The following CCSER1 variants were observed in gnomAD, a reference collection of about 807,000 sequenced individuals.
The protein encoded by CCSER1 is serine-rich coiled-coil domain-containing protein 1.
A neutral mutation model predicts 82.0 loss-of-function variants in CCSER1; 41 were observed. The observed-to-expected ratio is 0.50, with a 90% CI of 0.39 to 0.65. The LOEUF (loss-of-function observed/expected upper bound fraction) is 0.65. Among genes scored for constraint, CCSER1 ranks in the 30% least tolerant of loss-of-function variants. The probability of loss-of-function intolerance (pLI) is 0.00; values close to 1 mark genes in which losing one functional copy is unlikely to be tolerated. For missense variants in CCSER1, 1,119 were observed against 1,064.2 expected (o/e 1.05, Z -0.72); for synonymous variants, 414 against 383.9 (o/e 1.08, Z -0.92).
chr4:90,485,976 A>G (rs1167169982), intron 5 of CCSER1, among the ~76,000 whole-genome samples: 1 of 152,144 alleles, frequency 6.6e-6, no homozygotes, highest in Non-Finnish European at 1.5e-5. Context: ...TTCAACTCAG[A>G]GGACTCTGTC....
chr4:90,463,868 G>C (rs565334603), intron 4 of CCSER1, among the ~76,000 whole-genome samples: 66 of 151,902 alleles, frequency 4.3e-4, no homozygotes, highest in Non-Finnish European at 8.1e-4. Context: ...TGAATCCTTA[G>C]TAGTTTTGCG....
chr4:91,599,000 T>C lies in CCSER1; in HGVS notation c.2646T>C (p.Phe882=). 6.4e-7 allele frequency: 1 copy of C among 1,551,460 alleles called. No homozygotes were observed. ...ACATGTACAGCAGGAAGAATGTGTT[T>C]CTCCACCACAATTTACACAGCACTG... ...SLHMYSRKNV[F]LHHNLHSTEL... The change falls in exon 11 of 11, where the codon TTT becomes TTC. Residue 882 remains phenylalanine, a synonymous_variant. Coordinates refer to ENST00000509176, the MANE Select transcript of CCSER1 (RefSeq NM_001145065.2).
At chr4:90,217,400 T>A (rs1158041090) in intron 1 of CCSER1, among the ~76,000 whole-genome samples, 1 of 152,186 alleles carries the variant, frequency 6.6e-6, no homozygotes, top group East Asian at 1.9e-4. Flanking sequence ...GGTTTCATCA[T>A]GTTGGCCAGG....
At chr4:90,352,681 T>C (rs771836239) in intron 3 of CCSER1, among the ~76,000 whole-genome samples, 4 of 150,808 alleles carry the variant, frequency 2.7e-5, no homozygotes, top group Non-Finnish European at 5.9e-5. Flanking sequence ...AAAAAACATA[T>C]ATGTATATAT....
intron 10 of CCSER1, among the ~76,000 whole-genome samples, chr4:91,140,984 ACC>A (rs1728969973): frequency 1.3e-5 from 2 of 151,880 alleles, no homozygotes; most frequent in African/African-American, 4.8e-5. Context: ...TTTTTATAGT[ACC>A]CAGTGTCTAC....
intron 10 of CCSER1, among the ~76,000 whole-genome samples, chr4:91,112,289 CT>C (rs528658087): frequency 4.0e-5 from 6 of 151,796 alleles, no homozygotes; most frequent in African/African-American, 9.7e-5. Context: ...TTTTTTGACA[CT>C]TTTTTTTCTT....
chr4:90,182,160 T>G (rs1322340421), intron 1 of CCSER1, among the ~76,000 whole-genome samples: 3 of 152,206 alleles, frequency 2.0e-5, no homozygotes, highest in Non-Finnish European at 4.4e-5. Flanking sequence ...TGTTTTTAAC[T>G]TTATATTTTT....
At chr4:90,748,144 T>C (rs1422663252) in intron 7 of CCSER1, among the ~76,000 whole-genome samples, 1 of 144,626 alleles carries the variant, frequency 6.9e-6, no homozygotes, top group African/African-American at 2.5e-5. Context: ...CACTAACTCG[T>C]CATCTAGCAT....
chr4:90,664,003 A>T (rs996891082), intron 6 of CCSER1: 20 of 165,386 alleles, frequency 1.2e-4, no homozygotes, highest in Non-Finnish European at 2.3e-4. Flanking sequence ...AGATACTTTT[A>T]AAAAAATCTC....
intron 9 of CCSER1, among the ~76,000 whole-genome samples, chr4:91,083,409 C>T (rs552308372): frequency 1.8e-3 from 279 of 150,860 alleles, no homozygotes; most frequent in Admixed American, 5.5e-3. Context: ...AGGAGCCTGC[C>T]GGGGGGTTGG....
chr4:90,651,683 A>G (rs1053676176), intron 6 of CCSER1, among the ~76,000 whole-genome samples: 104 of 94,428 alleles, frequency 1.1e-3, no homozygotes, highest in Non-Finnish European at 2.3e-3. Context: ...AACTTAAAGT[A>G]TAATTAAAAA....
intron 9 of CCSER1, among the ~76,000 whole-genome samples, chr4:91,037,975 A>T (rs1203013287): frequency 6.6e-6 from 1 of 152,198 alleles, no homozygotes; most frequent in African/African-American, 2.4e-5. Context: ...CATATTTACA[A>T]TGAATATACA....
chr4:91,298,450 T>C (rs1055943848), intron 10 of CCSER1, among the ~76,000 whole-genome samples: 6 of 151,984 alleles, frequency 3.9e-5, no homozygotes, highest in African/African-American at 1.4e-4. Context: ...CCTTGGCCTT[T>C]TGCCTTCCTT....
At position 90,309,312 on chromosome 4, in the gene CCSER1, C is replaced by CT. The variant is rs1359482529; in HGVS notation, c.1029dup (p.Asn344Ter). On this transcript the variant is annotated frameshift_variant, in exon 2 of 11. Transcript: ENST00000509176. LOFTEE classifies it high-confidence loss of function. ...AATTCATTACCGGAAACCTCTGCTG[C>CT]TAATCAGAAGGAAGTGTTATTACAA... 1.9e-6 allele frequency: 3 copies of CT among 1,613,798 alleles called. No individual in the cohort carries two copies. Among genetic ancestry groups the CT allele is most frequent in the Non-Finnish European group, 2.5e-6 (3 of 1,179,772 alleles).
intron 5 of CCSER1, among the ~76,000 whole-genome samples, chr4:90,588,676 C>G (rs1012440502): frequency 3.3e-5 from 5 of 152,192 alleles, no homozygotes; most frequent in Admixed American, 1.3e-4. Flanking sequence ...TGGGAGGGAC[C>G]CAGTGGGAGA....
chr4:91,426,815 A>T (rs916787855), intron 10 of CCSER1, among the ~76,000 whole-genome samples: 1 of 152,204 alleles, frequency 6.6e-6, no homozygotes, highest in Non-Finnish European at 1.5e-5. Flanking sequence ...ATATAAAAAA[A>T]TGATTCCAAC....
chr4:90,479,792 T>C (rs1178834625), intron 5 of CCSER1, among the ~76,000 whole-genome samples: 8 of 152,198 alleles, frequency 5.3e-5, no homozygotes, highest in Admixed American at 5.2e-4. Context: ...GACATTTGGG[T>C]TGGGTCCAAG....
intron 4 of CCSER1, among the ~76,000 whole-genome samples, chr4:90,445,254 A>C (rs1470437373): frequency 6.6e-6 from 1 of 152,102 alleles, no homozygotes; most frequent in Non-Finnish European, 1.5e-5. Flanking sequence ...TCATGGATCT[A>C]TAACACATTA....
intron 1 of CCSER1, among the ~76,000 whole-genome samples, chr4:90,195,071 T>C (rs1736345750): frequency 2.0e-5 from 3 of 152,124 alleles, no homozygotes. Context: ...ATTCCTGTCA[T>C]ATTTCAATAA....
Sources: gnomAD v4.1 joint callset for allele counts (sites outside exome capture counted in the v4.1 genomes callset) on GRCh38, gnomAD v4.1.1 for gene constraint, MANE v1.5 for transcripts, NCBI Gene and HGNC (gene_info 2026-07-23, HGNC 2026-07-21) for gene names.